Variants in KHDRBS3 observed in about 807,000 individuals in gnomAD.
KHDRBS3 encodes KH RNA binding domain containing, signal transduction associated 3.
KHDRBS3 carries 23 observed loss-of-function variants against 45.6 expected under a neutral mutation model. That is an observed-to-expected ratio of 0.50 (90% CI 0.36 to 0.72). KHDRBS3 has a LOEUF of 0.72. Among genes scored for constraint, KHDRBS3 ranks in the 30% least tolerant of loss-of-function variants. KHDRBS3 has a pLI of 0.00. For missense variants in KHDRBS3, 352 were observed against 424.8 expected (o/e 0.83, Z 1.51); for synonymous variants, 162 against 156.5 (o/e 1.04, Z -0.26).
intron 7 of KHDRBS3, among the ~76,000 whole-genome samples, chr8:135,623,783 A>G (rs1830248661): frequency 6.6e-6 from 1 of 152,160 alleles, no homozygotes; most frequent in South Asian, 2.1e-4. Context: ...TAATCACTGA[A>G]TCTGGGTTTT....
intron 6 of KHDRBS3, among the ~76,000 whole-genome samples, chr8:135,583,463 T>A (rs1828313455): frequency 6.6e-6 from 1 of 152,086 alleles, no homozygotes; most frequent in South Asian, 2.1e-4. Context: ...TAAAGGAGAG[T>A]AAATCTTAAA....
chr8:135,469,799 T>A lies in KHDRBS3; in HGVS notation c.88+11845T>A, dbSNP rs376996333. The stretch of plus-strand genomic sequence containing the variant: ...GCCTTGGCCTCCCAAAGTGCTGGGA[T>A]TACAGGCGTGAGCCACCGCGCCCGG... On this transcript the variant is annotated intron_variant, in intron 1 of 8. Coordinates refer to ENST00000355849, the MANE Select transcript of KHDRBS3 (RefSeq NM_006558.3). 1.2e-4 allele frequency among the ~76,000 whole-genome samples: 18 copies of A among 152,274 alleles called. No homozygotes were observed. In the East Asian group the frequency reaches 2.7e-3, roughly 23 times the overall value.
In KHDRBS3 at chr8:135,647,458, T is replaced by C. The variant is rs1194325427; in HGVS notation, c.*374T>C. On this transcript the variant is annotated 3_prime_UTR_variant, in exon 9 of 9. Coordinates refer to ENST00000355849, the MANE Select transcript of KHDRBS3 (RefSeq NM_006558.3). ...GTTATTTTATCTTTCAGCCATATGC[T>C]AGTTTTTTTTTCTCTTGCCAACATG... is the stretch of plus-strand genomic sequence containing the variant. The C allele has an allele frequency of 6.4e-6, 1 of 155,200 alleles. No homozygotes were observed. The allele number at this position is 155,200 out of a possible 1,614,324, so 9.6% of individuals were successfully genotyped here.
chr8:135,638,064 C>A (rs1237345791), intron 7 of KHDRBS3, among the ~76,000 whole-genome samples: 1 of 151,886 alleles, frequency 6.6e-6, no homozygotes, highest in Non-Finnish European at 1.5e-5. Context: ...CCACACAAAA[C>A]CCCATTCAAG....
At chr8:135,555,133 A>T (rs1056100575) in intron 4 of KHDRBS3, among the ~76,000 whole-genome samples, 4 of 152,192 alleles carry the variant, frequency 2.6e-5, no homozygotes, top group Non-Finnish European at 2.9e-5. Flanking sequence ...TAGAATTAGG[A>T]CTTGCTGTTT....
chr8:135,519,667 T>C (rs923187318), intron 1 of KHDRBS3, among the ~76,000 whole-genome samples: 11 of 152,370 alleles, frequency 7.2e-5, no homozygotes, highest in African/African-American at 2.6e-4. Flanking sequence ...ACTGATATAC[T>C]GTTTTCTAAT....
At chr8:135,521,426 T>G (rs1409554690) in intron 2 of KHDRBS3, 71 bp downstream of exon 2, 2 of 848,632 alleles carry the variant, frequency 2.4e-6, no homozygotes, top group African/African-American at 3.4e-5. Flanking sequence ...TAATTTATAT[T>G]CTGTTTGGTG....
intron 6 of KHDRBS3, among the ~76,000 whole-genome samples, chr8:135,587,228 C>T (rs1390099384): frequency 6.6e-6 from 1 of 152,274 alleles, no homozygotes; most frequent in South Asian, 2.1e-4. Flanking sequence ...TGTTCTTCAT[C>T]GGAGTTACTG....
At position 135,494,423 on chromosome 8, in the gene KHDRBS3, C is replaced by T. The variant is rs186859476; in HGVS notation, c.89-26814C>T. ...CCTCCTGAGTAGCTGGGGCTACAGG[C>T]GCCCGCCACCACGCCCAGCTACTTT... On this transcript the variant is annotated intron_variant, in intron 1 of 8. Transcript: ENST00000355849. Among the ~76,000 whole-genome samples, 494 of 151,828 alleles carry T rather than the reference C, an allele frequency of 3.3e-3. 4 individuals carry two copies. The Middle Eastern group carries it at 0.037, about 11-fold the overall frequency.
intron 7 of KHDRBS3, among the ~76,000 whole-genome samples, chr8:135,639,860 A>C (rs901444653): frequency 3.3e-5 from 5 of 152,118 alleles, no homozygotes; most frequent in African/African-American, 1.2e-4. Context: ...TCTGCCCCCG[A>C]TCCAGTCACC....
At chr8:135,615,446 A>G (rs1220405106) in intron 7 of KHDRBS3, among the ~76,000 whole-genome samples, 1 of 152,180 alleles carries the variant, frequency 6.6e-6, no homozygotes, top group African/African-American at 2.4e-5. Context: ...TATTATTGAG[A>G]AAACTGAGAC....
At chr8:135,631,343 CTT>C (rs1340526159) in intron 7 of KHDRBS3, among the ~76,000 whole-genome samples, 1 of 148,470 alleles carries the variant, frequency 6.7e-6, no homozygotes, top group East Asian at 2.0e-4. Context: ...AGTTTTTTAA[CTT>C]TTTGACTCTT....
intron 5 of KHDRBS3, among the ~76,000 whole-genome samples, chr8:135,567,283 C>G (rs1827472537): frequency 6.6e-6 from 1 of 151,990 alleles, no homozygotes; most frequent in Admixed American, 6.6e-5. Flanking sequence ...AAGGCGTTCT[C>G]AGATGTGGAA....
At chr8:135,532,858 C>T (rs1213764006) in intron 2 of KHDRBS3, among the ~76,000 whole-genome samples, 1 of 152,066 alleles carries the variant, frequency 6.6e-6, no homozygotes, top group Non-Finnish European at 1.5e-5. Context: ...CACTTTGAGA[C>T]AGTATCCTGA....
At chr8:135,527,417 G>A (rs1825247077) in intron 2 of KHDRBS3, among the ~76,000 whole-genome samples, 1 of 152,214 alleles carries the variant, frequency 6.6e-6, no homozygotes, top group Non-Finnish European at 1.5e-5. Context: ...CTATATTGAA[G>A]CACAGAAGGC....
At chr8:135,622,614 G>A (rs1423985307) in intron 7 of KHDRBS3, among the ~76,000 whole-genome samples, 1 of 152,190 alleles carries the variant, frequency 6.6e-6, no homozygotes, top group Non-Finnish European at 1.5e-5. Context: ...TATCAAATGT[G>A]TTTATCAGAA....
intron 5 of KHDRBS3, among the ~76,000 whole-genome samples, chr8:135,580,278 G>A (rs1828140326): frequency 6.6e-6 from 1 of 152,220 alleles, no homozygotes; most frequent in Non-Finnish European, 1.5e-5. Flanking sequence ...GGGTTAGGAA[G>A]TGTTCCCTCT....
At chr8:135,565,758 C>T (rs565174424) in intron 5 of KHDRBS3, among the ~76,000 whole-genome samples, 17 of 152,262 alleles carry the variant, frequency 1.1e-4, no homozygotes, top group East Asian at 5.8e-4. Context: ...ATTCTTCAAG[C>T]GCAAAGACTC....
chr8:135,638,990 A>G (rs1266415637), intron 7 of KHDRBS3, among the ~76,000 whole-genome samples: 5 of 150,410 alleles, frequency 3.3e-5, no homozygotes, highest in Non-Finnish European at 3.0e-5. Flanking sequence ...AAAAAGAAGT[A>G]GCTAGTGAGA....
Sources: allele counts gnomAD v4.1 joint callset (sites outside exome capture counted in the v4.1 genomes callset), GRCh38; gene constraint gnomAD v4.1.1; transcripts MANE v1.5; gene names NCBI Gene and HGNC (gene_info 2026-07-23, HGNC 2026-07-21).